Variants in PEAK1 observed in about 807,000 individuals in gnomAD.
PEAK1 encodes inactive tyrosine-protein kinase PEAK1.
PEAK1 carries 54 observed loss-of-function variants against 124.7 expected under a neutral mutation model. That is an observed-to-expected ratio of 0.43 (90% CI 0.35 to 0.54). PEAK1 has a LOEUF of 0.54. PEAK1 is among the 20% of genes least tolerant of loss of function. The pLI is 0.01. For synonymous variants in PEAK1, 719 were observed against 760.0 expected, an observed-to-expected ratio of 0.95 and a Z score of 0.89; for missense variants, 2,046 against 2,134.5, an observed-to-expected ratio of 0.96 and a Z score of 0.82.
chr15:77,345,326 A>G (rs879650663), intron 2 of PEAK1, among the ~76,000 whole-genome samples: 11 of 152,132 alleles, frequency 7.2e-5, no homozygotes, highest in Non-Finnish European at 1.6e-4. Flanking sequence ...ATTCAACTGG[A>G]TAGCTTTGTA....
chr15:77,409,449 C>CTCCA (rs1421088978), intron 1 of PEAK1, among the ~76,000 whole-genome samples: 5 of 152,190 alleles, frequency 3.3e-5, no homozygotes, highest in African/African-American at 1.2e-4. Flanking sequence ...TGAGATTCAG[C>CTCCA]TCCAGGCAGT....
intron 7 of PEAK1, among the ~76,000 whole-genome samples, chr15:77,170,997 C>A (rs775451814): frequency 5.9e-5 from 9 of 152,126 alleles, no homozygotes; most frequent in Non-Finnish European, 1.3e-4. Context: ...TCCAAACTTG[C>A]CACATAGAAA....
intron 2 of PEAK1, chr15:77,351,945 G>C (rs960257478): frequency 1.0e-6 from 1 of 985,090 alleles, no homozygotes; most frequent in African/African-American, 1.7e-5. Flanking sequence ...AATCAGCCAG[G>C]TGTGGTGGCT....
intron 6 of PEAK1, among the ~76,000 whole-genome samples, chr15:77,186,779 A>G (rs1222169522): frequency 6.6e-6 from 1 of 152,226 alleles, no homozygotes; most frequent in Non-Finnish European, 1.5e-5. Flanking sequence ...GCACTTAAAG[A>G]CACTGTCAAA....
At chr15:77,380,736 C>A (rs1332978859) in intron 1 of PEAK1, among the ~76,000 whole-genome samples, 1 of 152,140 alleles carries the variant, frequency 6.6e-6, no homozygotes, top group Non-Finnish European at 1.5e-5. Flanking sequence ...ACCTCAGCCT[C>A]CCAAATTGCA....
At chr15:77,300,528 T>C (rs1344712064) in intron 2 of PEAK1, among the ~76,000 whole-genome samples, 5 of 152,168 alleles carry the variant, frequency 3.3e-5, no homozygotes, top group Non-Finnish European at 1.5e-5. Context: ...GTACATAGAG[T>C]TCCCATGTAT....
rs904393159 is a variant in PEAK1 at position 77,221,233 on chromosome 15, C to T, written c.-115+31134G>A. ...GCAAAGATCATTTTAACATCTATCA[C>T]GTGGTCAGTCACTTGGGAGGGATTA... is the stretch of plus-strand genomic sequence containing the variant. On this transcript the variant is annotated intron_variant, in intron 6 of 9. Coordinates refer to ENST00000682557, the MANE Select transcript of PEAK1 (RefSeq NM_001385026.1). Among the ~76,000 whole-genome samples, 8 of 152,166 alleles carry T rather than the reference C, an allele frequency of 5.3e-5. No homozygotes were observed. In the South Asian group the frequency reaches 6.2e-4, roughly 12 times the overall value.
intron 2 of PEAK1, among the ~76,000 whole-genome samples, chr15:77,321,855 A>C (rs1481272449): frequency 6.6e-6 from 1 of 152,180 alleles, no homozygotes; most frequent in Non-Finnish European, 1.5e-5. Context: ...GAAGGGATCC[A>C]GTTTCAGCTT....
At chr15:77,334,434 G>A in intron 2 of PEAK1, 2 of 985,136 alleles carry the variant, frequency 2.0e-6, no homozygotes, top group Non-Finnish European at 2.4e-6. Context: ...GCTTCTACTT[G>A]TACCTGCTTA....
chr15:77,217,856 A>T (rs578109011), intron 6 of PEAK1, among the ~76,000 whole-genome samples: 1 of 152,260 alleles, frequency 6.6e-6, no homozygotes, highest in Non-Finnish European at 1.5e-5. Context: ...TGTTAAATTT[A>T]TCCTAAAAAG....
At chr15:77,192,775 A>C (rs2057902320) in intron 6 of PEAK1, among the ~76,000 whole-genome samples, 1 of 152,212 alleles carries the variant, frequency 6.6e-6, no homozygotes, top group Admixed American at 6.5e-5. Context: ...ATTGCTAATA[A>C]GATTTGTAAA....
rs983756128 is a variant in PEAK1, at chr15:77,362,353, A to G, written c.-603+2810T>C. ...CAATTATTATTGTCAATTAAAAACT[A>G]AAAAAAAAAGAAAAAGAAAATGTTC... On this transcript the variant is annotated intron_variant, in intron 2 of 9. Coordinates refer to ENST00000682557, the MANE Select transcript of PEAK1 (RefSeq NM_001385026.1). 4.7e-5 allele frequency among the ~76,000 whole-genome samples: 7 copies of G among 148,786 alleles called. No individual in the cohort carries two copies. In the South Asian group the frequency reaches 6.4e-4, roughly 14 times the overall value.
At chr15:77,167,822 C>T (rs1292225729) in intron 7 of PEAK1, among the ~76,000 whole-genome samples, 1 of 152,212 alleles carries the variant, frequency 6.6e-6, no homozygotes, top group African/African-American at 2.4e-5. Context: ...TGTGCCATGT[C>T]GGTTTGCTGC....
intron 1 of PEAK1, among the ~76,000 whole-genome samples, chr15:77,409,667 C>T (rs1424892216): frequency 6.6e-6 from 1 of 152,198 alleles, no homozygotes; most frequent in East Asian, 1.9e-4. Context: ...TACTTTCTGT[C>T]AGTGTTTTTT....
At chr15:77,217,586 T>A (rs1488134845) in intron 6 of PEAK1, among the ~76,000 whole-genome samples, 1 of 152,172 alleles carries the variant, frequency 6.6e-6, no homozygotes, top group Admixed American at 6.5e-5. Flanking sequence ...TACCTCATAG[T>A]TCTGGTTTGG....
intron 8 of PEAK1, among the ~76,000 whole-genome samples, chr15:77,144,927 A>T (rs2054064483): frequency 6.6e-6 from 1 of 152,250 alleles, no homozygotes; most frequent in Non-Finnish European, 1.5e-5. Flanking sequence ...CCCTGGGACC[A>T]GACACCAAGC....
intron 2 of PEAK1, chr15:77,334,129 TA>T: frequency 1.1e-6 from 1 of 912,106 alleles, no homozygotes; most frequent in Non-Finnish European, 1.3e-6. Flanking sequence ...TCTAAATACT[TA>T]AGAGATTTTT....
intron 1 of PEAK1, among the ~76,000 whole-genome samples, chr15:77,376,052 TAAA>T (rs2069000947): frequency 1.3e-5 from 2 of 150,142 alleles, no homozygotes; most frequent in Non-Finnish European, 3.0e-5. Context: ...AATGTAATAA[TAAA>T]AATAAATGAG....
At chr15:77,336,095 CA>C in intron 2 of PEAK1, 1 of 985,372 alleles carries the variant, frequency 1.0e-6, no homozygotes, top group Non-Finnish European at 1.2e-6. Context: ...AAAGACTAAA[CA>C]GTGAGTGCCA....
Sources: gnomAD v4.1 joint callset for allele counts (sites outside exome capture counted in the v4.1 genomes callset) on GRCh38, gnomAD v4.1.1 for gene constraint, MANE v1.5 for transcripts, NCBI Gene and HGNC (gene_info 2026-07-23, HGNC 2026-07-21) for gene names.